The following GTPBP4 variants were observed in gnomAD, a reference collection of about 807,000 sequenced individuals.
GTPBP4 encodes GTP-binding protein 4.
In GTPBP4, 15 loss-of-function variants were observed where a neutral mutation model predicts 81.7. The ratio of observed to expected loss-of-function variants is 0.18; its 90% CI spans 0.12 to 0.28. The LOEUF is 0.28. Among genes scored for constraint, GTPBP4 ranks in the 10% least tolerant of loss-of-function variants. The pLI, the probability that GTPBP4 is intolerant of heterozygous loss-of-function variation, is 1.00. For missense variants in GTPBP4, 847 were observed against 793.8 expected, an observed-to-expected ratio of 1.07 and a Z score of -0.81; for synonymous variants, 272 against 274.6, an observed-to-expected ratio of 0.99 and a Z score of 0.09.
chr10:1,009,070 G>T (rs200262561), intron 11 of GTPBP4, 35 bp downstream of exon 11: 61 of 1,475,090 alleles, frequency 4.1e-5, no homozygotes, highest in Admixed American at 5.0e-5. Flanking sequence ...GTGTTCTCAT[G>T]GGGGGAGGCA....
Position 1,007,222 on chromosome 10 carries a change from C to T in GTPBP4, c.1113+94C>T, listed in dbSNP as rs149794001. 6.7e-4 allele frequency: 473 copies of T among 710,674 alleles called. 1 individual carries two copies. The highest frequency in any genetic ancestry group is 8.9e-4 in the Non-Finnish European group (349 of 391,038). 44.0% of individuals were successfully genotyped at this position (710,674 alleles called of 1,614,324 possible). The stretch of plus-strand genomic sequence containing the variant: ...CAGAAGCCTCCCATCCAGCTTCACA[C>T]ACTCGCAGGTGGATATTGTGGGTGG... On this transcript the variant is annotated intron_variant, in intron 10 of 16. Coordinates refer to ENST00000360803, the MANE Select transcript of GTPBP4 (RefSeq NM_012341.3).
Position 1,019,760 on chromosome 10 carries a change from A to G in GTPBP4, c.*2533A>G. The G allele has an allele frequency of 6.2e-7, 1 of 1,612,196 alleles. No individual in the cohort carries two copies. Among genetic ancestry groups the G allele is most frequent in the Non-Finnish European group, 8.5e-7 (1 of 1,178,340 alleles). ...TCACAAGCAGAAGGTAACAAATTTCATGCTCTCCCCAAATTCTGTCTGATT... is the reference window on the plus strand; with the variant it reads ...TCACAAGCAGAAGGTAACAAATTTCGTGCTCTCCCCAAATTCTGTCTGATT... On this transcript the variant is annotated 3_prime_UTR_variant, in exon 17 of 17. Coordinates refer to ENST00000360803, the MANE Select transcript of GTPBP4 (RefSeq NM_012341.3).
chr10:998,956 G>GT, intron 5 of GTPBP4, 47 bp from the exon 6 acceptor site: 1 of 1,009,978 alleles, frequency 9.9e-7, no homozygotes, highest in South Asian at 1.3e-5. Context: ...GATCCCACGT[G>GT]TACACAGAGG....
chr10:989,649 C>T (rs1158685227), intron 1 of GTPBP4, among the ~76,000 whole-genome samples: 3 of 152,170 alleles, frequency 2.0e-5, no homozygotes, highest in African/African-American at 7.2e-5. Context: ...CGTATTTTAC[C>T]TTCATAGCAA....
Position 992,494 on chromosome 10 carries a change from C to A in GTPBP4, c.54C>A (p.Phe18Leu). ...TTTATTTTCTTTAATTGCAGGACTTCATAGACCTCACGTTGTCGAAGACTC... is the reference window on the plus strand; with the variant it reads ...TTTATTTTCTTTAATTGCAGGACTTAATAGACCTCACGTTGTCGAAGACTC... ...KITVVPSAKDFIDLTLSKTQR... is the reference protein window; with the variant it reads ...KITVVPSAKDLIDLTLSKTQR... The change falls in exon 2 of 17, where the codon TTC becomes TTA. Residue 18 changes from phenylalanine (F) to leucine (L), a missense_variant. By Grantham distance (22) the Phe-to-Leu change is conservative. Coordinates refer to ENST00000360803, the MANE Select transcript of GTPBP4 (RefSeq NM_012341.3). 2 of 1,588,884 alleles carry A rather than the reference C, an allele frequency of 1.3e-6. No homozygotes were observed. Among genetic ancestry groups the A allele is most frequent in the Non-Finnish European group, 1.7e-6 (2 of 1,158,086 alleles).
intron 2 of GTPBP4, among the ~76,000 whole-genome samples, chr10:993,715 A>G (rs1398014296): frequency 6.6e-6 from 1 of 152,194 alleles, no homozygotes; most frequent in African/African-American, 2.4e-5. Flanking sequence ...TTGCCCCAGA[A>G]TAGTCCCTGA....
intron 4 of GTPBP4, chr10:996,891 T>A (rs1831546469): frequency 6.4e-6 from 2 of 310,852 alleles, no homozygotes; most frequent in East Asian, 9.1e-5. Context: ...TTCCCTAATG[T>A]CATCTTGCTA....
chr10:1,013,770 C>T (rs898108224), intron 14 of GTPBP4, among the ~76,000 whole-genome samples: 1 of 152,188 alleles, frequency 6.6e-6, no homozygotes, highest in African/African-American at 2.4e-5. Context: ...AGTCACTTGA[C>T]ATTCAGGATG....
At position 1,018,787 on chromosome 10, in the gene GTPBP4, G is replaced by C. The variant is rs997386728; in HGVS notation, c.*1560G>C. The C allele has an allele frequency of 7.1e-6, 1 of 140,428 alleles. No homozygotes were observed. Among genetic ancestry groups the C allele is most frequent in the African/African-American group, 2.7e-5 (1 of 36,980 alleles). The allele number at this position is 140,428 out of a possible 1,614,324, so 8.7% of individuals were successfully genotyped here. A position where few individuals can be genotyped will look rare whatever the true frequency, so the allele number is the denominator to read the frequency against. Reference sequence around the variant, plus strand: ...CGCACCACTGCACTCCAGCCTGGTCGACAGCGAGACTCCATCTCAAAAAAA... The same window carrying C: ...CGCACCACTGCACTCCAGCCTGGTCCACAGCGAGACTCCATCTCAAAAAAA... On this transcript the variant is annotated 3_prime_UTR_variant, in exon 17 of 17. Transcript: ENST00000360803.
rs151220214 is a variant in GTPBP4 at position 999,008 on chromosome 10, G to A, written c.567G>A (p.Thr189=). ...AAAGTTCTCACTTGTTCCAGGTGAC[G>A]AGAGCAGACGTGGATGTCCAGCCCT... ...VGKSSFINKV[T]RADVDVQPYA... The change falls in exon 6 of 17, where the codon ACG becomes ACA. Residue 189 remains threonine (T), a synonymous_variant. Coordinates refer to ENST00000360803, the MANE Select transcript of GTPBP4 (RefSeq NM_012341.3). 2.0e-5 allele frequency: 32 copies of A among 1,584,210 alleles called. No individual in the cohort carries two copies. Among genetic ancestry groups the A allele is most frequent in the African/African-American group, 1.5e-4 (11 of 74,376 alleles).
At chr10:1,010,347 C>G in intron 12 of GTPBP4, 73 bp from the exon 13 acceptor site, 1 of 757,836 alleles carries the variant, frequency 1.3e-6, no homozygotes, top group East Asian at 2.6e-5. Context: ...TCAGTCACAA[C>G]TCATTTTGCG....
At chr10:1,013,141 G>A (rs1319937893) in intron 14 of GTPBP4, among the ~76,000 whole-genome samples, 1 of 151,890 alleles carries the variant, frequency 6.6e-6, no homozygotes, top group Non-Finnish European at 1.5e-5. Context: ...CTGCCACTAC[G>A]CCTGGCTAAC....
chr10:1,007,283 G>A (rs1468479529), intron 10 of GTPBP4, 155 bp downstream of exon 10: 2 of 587,228 alleles, frequency 3.4e-6, no homozygotes, highest in South Asian at 2.0e-5. Context: ...ATAAAGGATC[G>A]AGAAGGTGAA....
Position 1,017,177 on chromosome 10 carries a change from A to G in GTPBP4, c.1855A>G (p.Lys619Glu), listed in dbSNP as rs775578452. 1 of 1,614,150 alleles carries G rather than the reference A, an allele frequency of 6.2e-7. No homozygotes were observed. The highest frequency in any genetic ancestry group is 2.2e-5 in the East Asian group (1 of 44,888). ...TAGACACGTGTTTGATATGAAGCCC[A>G]AGCACTTGCTGTCTGGGAAGAGGAA... Reference protein sequence around the residue: ...ADRHVFDMKPKHLLSGKRKAG... With the variant: ...ADRHVFDMKPEHLLSGKRKAG... Residue 619 changes from lysine to glutamate, a missense_variant, in exon 17 of 17, where the codon AAG (lysine) becomes GAG (glutamate). Physicochemically the swap from Lys to Glu is moderately conservative, Grantham distance 56. Around this residue, in one of 3 missense-constraint regions of GTPBP4, gnomAD observed 600 missense variants for 557.1 expected, o/e 1.08. Coordinates refer to ENST00000360803, the MANE Select transcript of GTPBP4 (RefSeq NM_012341.3).
chr10:1,010,366 A>G, intron 12 of GTPBP4, 54 bp from the exon 13 acceptor site: 5 of 885,970 alleles, frequency 5.6e-6, no homozygotes, highest in Non-Finnish European at 7.6e-6. Flanking sequence ...CGCACGTAGT[A>G]CTTGAAGATA....
rs769482088 is a variant in GTPBP4 at position 1,019,693 on chromosome 10, T to C, written c.*2466T>C. ...TCCTCCTGGGACAGGTAGAGGATGC[T>C]TTTCGTTTCACTGGGATCCGGGTTC... On this transcript the variant is annotated 3_prime_UTR_variant, in exon 17 of 17. Coordinates refer to ENST00000360803, the MANE Select transcript of GTPBP4 (RefSeq NM_012341.3). 1 of 1,613,916 alleles carries C rather than the reference T, an allele frequency of 6.2e-7. No homozygotes were observed. The highest frequency in any genetic ancestry group is 1.1e-5 in the South Asian group (1 of 91,076).
chr10:1,009,259 C>A (rs941049325), intron 11 of GTPBP4, among the ~76,000 whole-genome samples: 1 of 150,768 alleles, frequency 6.6e-6, no homozygotes, highest in Non-Finnish European at 1.5e-5. Context: ...GATAGACAGT[C>A]CCCAGATGGC....
intron 9 of GTPBP4, 150 bp downstream of exon 9, chr10:1,006,057 G>T: frequency 3.5e-6 from 2 of 564,156 alleles, no homozygotes; most frequent in Non-Finnish European, 6.3e-6. Flanking sequence ...AGAGTGGGGC[G>T]TGAAGACAGA....
intron 5 of GTPBP4, 140 bp downstream of exon 5, chr10:997,448 T>G: frequency 8.6e-6 from 6 of 695,264 alleles, no homozygotes; most frequent in Middle Eastern, 3.5e-4. Flanking sequence ...AGGACGGCCT[T>G]GGTAATAATT....
Sources: allele counts gnomAD v4.1 joint callset (sites outside exome capture counted in the v4.1 genomes callset), GRCh38; gene constraint gnomAD v4.1.1; regional missense constraint gnomAD v4.1.1; transcripts MANE v1.5; gene names NCBI Gene and HGNC (gene_info 2026-07-23, HGNC 2026-07-21).